KCNMA1: variants seen among roughly 807,000 people sequenced by gnomAD.
The protein encoded by KCNMA1 is potassium calcium-activated channel subfamily M alpha 1.
Under a neutral mutation model 140.0 loss-of-function variants are expected in KCNMA1, and 29 were observed. That is an observed-to-expected ratio of 0.21 (90% CI 0.15 to 0.28). KCNMA1 has a LOEUF of 0.28. KCNMA1 is among the 10% of genes least tolerant of loss of function. The probability of loss-of-function intolerance (pLI) is 1.00; values close to 1 mark genes in which losing one functional copy is unlikely to be tolerated. For synonymous variants in KCNMA1, 612 were observed against 611.9 expected (o/e 1.00, Z 0.00); for missense variants, 880 against 1,602.2 (o/e 0.55, Z 7.70).
intron 9 of KCNMA1, among the ~76,000 whole-genome samples, chr10:77,101,184 C>G (rs1341151953): frequency 6.6e-6 from 1 of 152,098 alleles, no homozygotes; most frequent in Non-Finnish European, 1.5e-5. Context: ...CCACCAAGAC[C>G]CCTCTCATCA....
chr10:77,374,233 C>CG (rs2094933496), intron 2 of KCNMA1, among the ~76,000 whole-genome samples: 1 of 152,152 alleles, frequency 6.6e-6, no homozygotes, highest in South Asian at 2.1e-4. Flanking sequence ...ACAACCATGG[C>CG]GGGAATCTAC....
intron 3 of KCNMA1, among the ~76,000 whole-genome samples, chr10:77,229,113 G>C (rs781482906): frequency 6.6e-6 from 1 of 151,934 alleles, no homozygotes; most frequent in Non-Finnish European, 1.5e-5. Flanking sequence ...AGGAACTTGA[G>C]GAACAATGAC....
chr10:77,607,416 C>T (rs1173589776), intron 1 of KCNMA1, among the ~76,000 whole-genome samples: 1 of 152,100 alleles, frequency 6.6e-6, no homozygotes, highest in Non-Finnish European at 1.5e-5. Flanking sequence ...CGTCCTCATC[C>T]CTGGAATCTG....
intron 14 of KCNMA1, among the ~76,000 whole-genome samples, chr10:77,063,244 C>T (rs2095821860): frequency 6.6e-6 from 1 of 152,106 alleles, no homozygotes. Context: ...GAAACCCCGT[C>T]TCTACTAAAA....
At chr10:77,509,716 G>C (rs969807322) in intron 1 of KCNMA1, among the ~76,000 whole-genome samples, 1 of 152,114 alleles carries the variant, frequency 6.6e-6, no homozygotes, top group Non-Finnish European at 1.5e-5. Context: ...ATGCTTTTAT[G>C]TATTTTCAGA....
rs79863396 is a variant in KCNMA1, at chr10:77,530,994, T to C, written c.378+106271A>G. 3.9e-5 allele frequency among the ~76,000 whole-genome samples: 6 copies of C among 152,280 alleles called. No homozygotes were observed. The South Asian group carries it at 1.2e-3, about 32-fold the overall frequency. ...CAAAGCATCTTGCATCCCACCAGCA[T>C]TGAGGTGTGGCAAAACACAGCAGTA... On this transcript the variant is annotated intron_variant, in intron 1 of 27. Transcript: ENST00000286628.
chr10:77,400,049 G>C (rs922419579), intron 2 of KCNMA1, among the ~76,000 whole-genome samples: 1 of 152,180 alleles, frequency 6.6e-6, no homozygotes, highest in African/African-American at 2.4e-5. Context: ...AATTGAAACG[G>C]GAAACTGAAT....
At chr10:77,239,001 T>G (rs892458288) in intron 3 of KCNMA1, among the ~76,000 whole-genome samples, 11 of 152,206 alleles carry the variant, frequency 7.2e-5, no homozygotes, top group African/African-American at 2.4e-4. Flanking sequence ...AGCACATGCA[T>G]GCACACAGAC....
At chr10:77,132,120 A>C (rs1234865544) in intron 5 of KCNMA1, among the ~76,000 whole-genome samples, 2 of 152,178 alleles carry the variant, frequency 1.3e-5, no homozygotes, top group Non-Finnish European at 2.9e-5. Flanking sequence ...TTAAACAAAA[A>C]ATGCTTTAGA....
chr10:77,551,176 G>T (rs951489212), intron 1 of KCNMA1, among the ~76,000 whole-genome samples: 2 of 152,070 alleles, frequency 1.3e-5, no homozygotes, highest in African/African-American at 4.8e-5. Context: ...TGGAGTGACA[G>T]GAAAAACCTA....
At position 76,928,969 on chromosome 10, in the gene KCNMA1, A is replaced by T. The variant is rs113208521; in HGVS notation, c.2903-13920T>A. ...CTGCTGTATTTATCTCTGGGACATG[A>T]GGGAACAGGAAGCATTTTGATTTAA... On this transcript the variant is annotated intron_variant, in intron 23 of 27. Coordinates refer to ENST00000286628, the MANE Select transcript of KCNMA1 (RefSeq NM_001161352.2). 8.6e-3 allele frequency among the ~76,000 whole-genome samples: 1,306 copies of T among 152,318 alleles called. 17 individuals are homozygous for T. Among genetic ancestry groups the T allele is most frequent in the African/African-American group, 0.03 (1,259 of 41,564 alleles).
chr10:77,189,304 C>G (rs544963944), intron 3 of KCNMA1, among the ~76,000 whole-genome samples: 2 of 152,228 alleles, frequency 1.3e-5, no homozygotes, highest in African/African-American at 4.8e-5. Context: ...TTTGAGCCAG[C>G]CCCCAGATAA....
At chr10:77,391,100 C>T (rs2095803869) in intron 2 of KCNMA1, among the ~76,000 whole-genome samples, 2 of 152,298 alleles carry the variant, frequency 1.3e-5, no homozygotes, top group Middle Eastern at 3.4e-3. Flanking sequence ...GATAGTTTCT[C>T]GATCCTTTGC....
At chr10:77,481,152 T>C (rs553051638) in intron 1 of KCNMA1, among the ~76,000 whole-genome samples, 2 of 151,494 alleles carry the variant, frequency 1.3e-5, no homozygotes, top group Non-Finnish European at 2.9e-5. Context: ...TGTATGCACA[T>C]ACACACGCGT....
chr10:77,355,108 G>C (rs1230235952), intron 2 of KCNMA1: 1 of 153,902 alleles, frequency 6.5e-6, no homozygotes, highest in Admixed American at 6.5e-5. Flanking sequence ...CATGAGATCT[G>C]ATGGTTTTAT....
rs143620249 is a variant in KCNMA1 at position 77,219,045 on chromosome 10, C to T, written c.602+32150G>A. 9.9e-5 allele frequency among the ~76,000 whole-genome samples: 15 copies of T among 152,222 alleles called. No homozygotes were observed. The East Asian group carries it at 2.9e-3, about 29-fold the overall frequency. ...GCTAGCCCAAATTCTTTCAGATCCT[C>T]TGTTCTTGAAGTGCCCTCCTGGTTC... On this transcript the variant is annotated intron_variant, in intron 3 of 27. Coordinates refer to ENST00000286628, the MANE Select transcript of KCNMA1 (RefSeq NM_001161352.2).
intron 5 of KCNMA1, among the ~76,000 whole-genome samples, chr10:77,176,372 G>A (rs1402252039): frequency 6.6e-6 from 1 of 152,144 alleles, no homozygotes; most frequent in East Asian, 1.9e-4. Context: ...AGCTGCACAG[G>A]AAGGGGCACC....
chr10:76,999,002 C>G (rs1207897788), intron 19 of KCNMA1, among the ~76,000 whole-genome samples: 1 of 152,176 alleles, frequency 6.6e-6, no homozygotes, highest in Non-Finnish European at 1.5e-5. Flanking sequence ...CAAATCGCCC[C>G]CTGAGCTGTC....
At chr10:76,989,863 T>C (rs1186875619) in intron 19 of KCNMA1, among the ~76,000 whole-genome samples, 2 of 151,914 alleles carry the variant, frequency 1.3e-5, no homozygotes, top group African/African-American at 4.8e-5. Context: ...ATTATTTCCA[T>C]CAATACTATG....
Sources: gnomAD v4.1 joint callset for allele counts (sites outside exome capture counted in the v4.1 genomes callset) on GRCh38, gnomAD v4.1.1 for gene constraint, MANE v1.5 for transcripts, NCBI Gene and HGNC (gene_info 2026-07-23, HGNC 2026-07-21) for gene names.